The following RESP18 variants were observed in gnomAD, a reference collection of about 807,000 sequenced individuals.
The protein encoded by RESP18 is regulated endocrine specific protein 18, also known as regulated endocrine-specific protein 18.
RESP18 carries 30 observed loss-of-function variants against 30.0 expected under a neutral mutation model. That is an observed-to-expected ratio of 1.00 (90% confidence interval 0.75 to 1.36). The LOEUF is 1.36. Ranked by LOEUF, RESP18 falls within the 40% of genes most tolerant of loss-of-function variation. The pLI is 0.00. For synonymous variants in RESP18, 117 were observed against 111.2 expected, an observed-to-expected ratio of 1.05 and a Z score of -0.33; for missense variants, 320 against 284.2, an observed-to-expected ratio of 1.13 and a Z score of -0.91.
At chr2:219,329,459 C>T (rs148625828) in intron 4 of RESP18, 178 bp downstream of exon 3, 69 of 1,550,832 alleles carry the variant, frequency 4.4e-5, no homozygotes, top group Middle Eastern at 1.7e-4. Flanking sequence ...CCCACCTCCC[C>T]TCCCTTTGCA....
In RESP18 at chr2:219,327,516, A is replaced by G. The variant is rs1559314634; in HGVS notation, c.*1T>C. 1 of 1,551,550 alleles carries G rather than the reference A, an allele frequency of 6.4e-7. No individual in the cohort carries two copies. On this transcript the variant is annotated 3_prime_UTR_variant, in exon 7 of 7. Coordinates refer to ENST00000333527, the MANE Select transcript of RESP18 (RefSeq NM_001007089.4). ...CAGGGAGGCTTCACATGAGGTCTCA[A>G]TCAGCCACAGGGTTGCGGCCCACAG...
Position 219,330,769 on chromosome 2 carries a change from A to T in RESP18, c.337+2T>A. 13 of 1,542,320 alleles carry T rather than the reference A, an allele frequency of 8.4e-6. No homozygotes were observed. The highest frequency in any genetic ancestry group is 1.1e-5 in the Non-Finnish European group (13 of 1,139,048). ...AACCTCTGTTCTCCAGCTTTTACTT[A>T]CCTTGGGGTATAATCTGCTGGAGCA... is the stretch of plus-strand genomic sequence containing the variant. On this transcript the variant is annotated splice_donor_variant, in intron 3 of 6. Coordinates refer to ENST00000333527, the MANE Select transcript of RESP18 (RefSeq NM_001007089.4). LOFTEE classifies it high-confidence loss of function.
Position 219,327,552 on chromosome 2 carries a change from C to T in RESP18, c.652G>A (p.Ala218Thr). Reference sequence around the variant, plus strand: ...GGTTGCGGCCCACAGTAGGAAGTGGCCCAGAGAAGCCCTAAAACAAGAAGA... The same window carrying T: ...GGTTGCGGCCCACAGTAGGAAGTGGTCCAGAGAAGCCCTAAAACAAGAAGA... Residue 218 changes from alanine to threonine, a missense_variant, in exon 7 of 7, where the codon GCC (alanine) becomes ACC (threonine). Transcript: ENST00000333527. 1 of 1,551,560 alleles carries T rather than the reference C, an allele frequency of 6.4e-7. No individual in the cohort carries two copies. Among genetic ancestry groups the T allele is most frequent in the Non-Finnish European group, 8.7e-7 (1 of 1,146,908 alleles).
chr2:219,327,503 A>C lies in RESP18; in HGVS notation c.*14T>G, dbSNP rs150552220. On this transcript the variant is annotated 3_prime_UTR_variant, in exon 7 of 7. Transcript: ENST00000333527. Reference sequence around the variant, plus strand: ...AAGGGTGCTGGGGCAGGGAGGCTTCACATGAGGTCTCAATCAGCCACAGGG... The same window carrying C: ...AAGGGTGCTGGGGCAGGGAGGCTTCCCATGAGGTCTCAATCAGCCACAGGG... 7.7e-6 allele frequency: 12 copies of C among 1,551,032 alleles called. No homozygotes were observed. In the African/African-American group the frequency reaches 1.5e-4, roughly 19 times the overall value.
At chr2:219,329,566 G>C in intron 4 of RESP18, 71 bp downstream of exon 3, 2 of 1,544,410 alleles carry the variant, frequency 1.3e-6, no homozygotes, top group Non-Finnish European at 1.8e-6. Context: ...TGCAGTTTTA[G>C]CACACATTCC....
intron 6 of RESP18, among the ~76,000 whole-genome samples, chr2:219,328,111 T>A (rs1952791991): frequency 6.6e-6 from 1 of 152,206 alleles, no homozygotes; most frequent in Admixed American, 6.5e-5. Flanking sequence ...TCACTTTTGC[T>A]CTCCTTACAG....
In RESP18 at chr2:219,333,157, TTACTC is replaced by T. The variant is rs763174264; in HGVS notation, c.16_17+3del. On this transcript the variant is annotated splice_donor_variant and splice_donor_region_variant and coding_sequence_variant and intron_variant, in exon 1 of 7. Coordinates refer to ENST00000333527, the MANE Select transcript of RESP18 (RefSeq NM_001007089.4). LOFTEE classifies it high-confidence loss of function. ...ATTATATATGGCACATCCATCCACT[TTACTC>T]CACATCCACTGCCATCGCCTTGGTC... 8 of 1,537,644 alleles carry T rather than the reference TTACTC, an allele frequency of 5.2e-6. No homozygotes were observed. The highest frequency in any genetic ancestry group is 2.5e-5 in the East Asian group (1 of 40,706).
chr2:219,331,167 A>G (rs1479144086), intron 2 of RESP18: 1 of 286,360 alleles, frequency 3.5e-6, no homozygotes, highest in African/African-American at 2.2e-5. Flanking sequence ...AAAGCTGAGC[A>G]CATGGGAATA....
At chr2:219,330,207 C>CT (rs1952815565) in intron 3 of RESP18, among the ~76,000 whole-genome samples, 1 of 152,214 alleles carries the variant, frequency 6.6e-6, no homozygotes, top group Admixed American at 6.5e-5. Flanking sequence ...CAGGGGTGCA[C>CT]TTTGAGAACT....
intron 4 of RESP18, 45 bp downstream of exon 3, chr2:219,329,592 G>A (rs1952808447): frequency 3.2e-6 from 5 of 1,548,740 alleles, no homozygotes; most frequent in Non-Finnish European, 4.4e-6. Context: ...TGTTCCGTCT[G>A]TCTGCCAGAA....
At chr2:219,332,179 G>A (rs1298514957) in intron 2 of RESP18, among the ~76,000 whole-genome samples, 3 of 152,144 alleles carry the variant, frequency 2.0e-5, no homozygotes, top group Non-Finnish European at 4.4e-5. Context: ...CTGGAGCCAA[G>A]ACCCCGATAC....
In RESP18 at chr2:219,327,569, A is replaced by T; in HGVS notation, c.641-6T>A. The T allele has an allele frequency of 6.4e-7, 1 of 1,551,354 alleles. No individual in the cohort carries two copies. The highest frequency in any genetic ancestry group is 8.7e-7 in the Non-Finnish European group (1 of 1,146,710). On this transcript the variant is annotated splice_polypyrimidine_tract_variant and splice_region_variant and intron_variant, in intron 6 of 6. Coordinates refer to ENST00000333527, the MANE Select transcript of RESP18 (RefSeq NM_001007089.4). ...GGAAGTGGCCCAGAGAAGCCCTAAA[A>T]CAAGAAGAAACAAGGGAGCTAGAGT... is the stretch of plus-strand genomic sequence containing the variant.
intron 6 of RESP18, 96 bp downstream of exon 5, chr2:219,328,828 C>T: frequency 1.4e-6 from 1 of 707,994 alleles, no homozygotes; most frequent in Non-Finnish European, 2.5e-6. Flanking sequence ...GGGAGTGTTG[C>T]TATCATGTGC....
rs541153289 is a variant in RESP18, at chr2:219,329,932, A to G, written c.338-168T>C. Among the ~76,000 whole-genome samples the G allele has an allele frequency of 7.7e-4, 118 of 152,344 alleles. 1 individual carries two copies. Among genetic ancestry groups the G allele is most frequent in the African/African-American group, 2.7e-3 (114 of 41,576 alleles). On this transcript the variant is annotated intron_variant, in intron 3 of 6. Coordinates refer to ENST00000333527, the MANE Select transcript of RESP18 (RefSeq NM_001007089.4). Reference sequence around the variant, plus strand: ...CATAGTGCCTAGCATATAATATTCAAATTAGGATTATGATTACAGTCTCTT... The same window carrying G: ...CATAGTGCCTAGCATATAATATTCAGATTAGGATTATGATTACAGTCTCTT...
chr2:219,331,063 C>CTTG, intron 2 of RESP18, 188 bp from the exon 2 acceptor site: 1 of 554,960 alleles, frequency 1.8e-6, no homozygotes, highest in Non-Finnish European at 3.2e-6. Context: ...CCATATTCTT[C>CTTG]AACCCCTGGG....
chr2:219,329,259 G>C lies in RESP18; in HGVS notation c.466-7C>G, dbSNP rs534103295. The stretch of plus-strand genomic sequence containing the variant: ...TCACCTTGGCCAGGGGGCTCTGTGA[G>C]GAGGGAAACCAGGAGTCAAGGAGGA... On this transcript the variant is annotated splice_polypyrimidine_tract_variant and splice_region_variant and intron_variant, in intron 4 of 6. Coordinates refer to ENST00000333527, the MANE Select transcript of RESP18 (RefSeq NM_001007089.4). 9.7e-6 allele frequency: 15 copies of C among 1,551,694 alleles called. No homozygotes were observed. The Admixed American group carries it at 2.7e-4, about 28-fold the overall frequency.
intron 6 of RESP18, 32 bp downstream of exon 5, chr2:219,328,892 G>C: frequency 7.0e-7 from 1 of 1,422,418 alleles, no homozygotes; most frequent in Non-Finnish European, 9.7e-7. Context: ...AAACTCTGCT[G>C]TTTCAATGCC....
chr2:219,329,458 C>T (rs1952807171), intron 4 of RESP18, 179 bp downstream of exon 3: 1 of 1,550,818 alleles, frequency 6.4e-7, no homozygotes, highest in South Asian at 1.2e-5. Context: ...ACCCACCTCC[C>T]CTCCCTTTGC....
At chr2:219,331,104 T>G in intron 2 of RESP18, 1 of 437,946 alleles carries the variant, frequency 2.3e-6, no homozygotes, top group Non-Finnish European at 4.1e-6. Context: ...AACTTACAGA[T>G]AACCAGATTT....
Sources: gnomAD v4.1 joint callset for allele counts (sites outside exome capture counted in the v4.1 genomes callset) on GRCh38, gnomAD v4.1.1 for gene constraint, MANE v1.5 for transcripts, NCBI Gene and HGNC (gene_info 2026-07-23, HGNC 2026-07-21) for gene names.